Variants in CALN1 observed in about 807,000 individuals in gnomAD.
The protein encoded by CALN1 is calcium-binding protein 8.
CALN1 carries 17 observed loss-of-function variants against 30.6 expected under a neutral mutation model. The observed-to-expected ratio is 0.56, with a 90% CI of 0.38 to 0.83. The LOEUF (loss-of-function observed/expected upper bound fraction) is 0.83, where lower values mean the gene tolerates loss of function less well. Among genes scored for constraint, CALN1 ranks in the 40% least tolerant of loss-of-function variants. CALN1 has a pLI of 0.00. For missense variants in CALN1, 291 were observed against 354.9 expected, an observed-to-expected ratio of 0.82 and a Z score of 1.45; for synonymous variants, 156 against 131.4, an observed-to-expected ratio of 1.19 and a Z score of -1.28.
chr7:72,251,254 C>A (rs1245574015), intron 3 of CALN1, among the ~76,000 whole-genome samples: 1 of 152,164 alleles, frequency 6.6e-6, no homozygotes, highest in African/African-American at 2.4e-5. Context: ...ACACACTGAA[C>A]TTCCACATCA....
At chr7:72,030,008 A>G (rs1361659950) in intron 4 of CALN1, among the ~76,000 whole-genome samples, 3 of 152,182 alleles carry the variant, frequency 2.0e-5, no homozygotes, top group Admixed American at 6.5e-5. Flanking sequence ...CCTGATGCAA[A>G]TGGAAATTGT....
chr7:72,460,667 C>T, the CALN1 span, among the ~76,000 whole-genome samples: 20 of 151,936 alleles, frequency 1.3e-4, no homozygotes, highest in Admixed American at 2.6e-4. Flanking sequence ...AAAATGAAGT[C>T]CTTATTGCCA....
At chr7:71,957,949 C>T (rs949814261) in intron 5 of CALN1, among the ~76,000 whole-genome samples, 2 of 151,194 alleles carry the variant, frequency 1.3e-5, no homozygotes, top group Non-Finnish European at 2.9e-5. Flanking sequence ...CCTGTAATCC[C>T]AGCTACTTGG....
chr7:72,075,535 C>A (rs1804671708), intron 4 of CALN1, among the ~76,000 whole-genome samples: 1 of 152,232 alleles, frequency 6.6e-6, no homozygotes, highest in Non-Finnish European at 1.5e-5. Context: ...CTACAGCCTA[C>A]CCTGAAGGGT....
rs1007711674 is a variant in CALN1, at chr7:71,811,695, C to G, written c.502-1203G>C. Among the ~76,000 whole-genome samples the G allele has an allele frequency of 8.3e-4, 118 of 142,628 alleles. 3 individuals carry two copies. The highest frequency in any genetic ancestry group is 1.7e-4 in the Non-Finnish European group (11 of 66,158). 93.6% of individuals were successfully genotyped at this position (142,628 alleles called of 152,430 possible). A position where few individuals can be genotyped will look rare whatever the true frequency, so the allele number is the denominator to read the frequency against. On this transcript the variant is annotated intron_variant, in intron 5 of 6. Transcript: ENST00000395275. ...TTTTTTCTTTTTTTTTTTTTTTTTC[C>G]GAAATGGAGTCTTGCTTCCATCTCG...
chr7:72,411,080 G>A (rs903072382), intron 1 of CALN1, among the ~76,000 whole-genome samples: 1 of 152,052 alleles, frequency 6.6e-6, no homozygotes, highest in African/African-American at 2.4e-5. Context: ...GAATTTAACA[G>A]GACATGTGTA....
chr7:71,902,615 A>G (rs2116950460), intron 5 of CALN1, among the ~76,000 whole-genome samples: 1 of 152,346 alleles, frequency 6.6e-6, no homozygotes, highest in Non-Finnish European at 1.5e-5. Flanking sequence ...ACTACCATTC[A>G]ATCCAGCAAT....
In CALN1 at chr7:72,076,522, C is replaced by T. The variant is rs572805381; in HGVS notation, c.388+29629G>A. Among the ~76,000 whole-genome samples the T allele has an allele frequency of 1.8e-4, 25 of 140,444 alleles. No individual in the cohort carries two copies. In the East Asian group the frequency reaches 3.8e-3, roughly 21 times the overall value. The allele number at this position is 140,444 out of a possible 152,430, so 92.1% of individuals were successfully genotyped here. A position where few individuals can be genotyped will look rare whatever the true frequency, so the allele number is the denominator to read the frequency against. ...CTGAGGCAGGAGAATCGCTTGAACCCGAGAGGCGGAGGTTACAGTCAGCCG... is the reference window on the plus strand; with the variant it reads ...CTGAGGCAGGAGAATCGCTTGAACCTGAGAGGCGGAGGTTACAGTCAGCCG... On this transcript the variant is annotated intron_variant, in intron 4 of 6. Coordinates refer to ENST00000395275, the MANE Select transcript of CALN1 (RefSeq NM_031468.4).
chr7:71,931,943 G>C (rs1795576855), intron 5 of CALN1, among the ~76,000 whole-genome samples: 1 of 152,202 alleles, frequency 6.6e-6, no homozygotes, highest in Non-Finnish European at 1.5e-5. Context: ...CACATGAGCA[G>C]AGAATCAGGG....
chr7:72,222,458 G>A (rs561551164), intron 3 of CALN1, among the ~76,000 whole-genome samples: 10 of 152,260 alleles, frequency 6.6e-5, no homozygotes, highest in East Asian at 1.9e-4. Context: ...CAGATCTCAC[G>A]AGAACTCACT....
chr7:72,137,877 G>A (rs1055899211), intron 3 of CALN1, among the ~76,000 whole-genome samples: 1 of 152,112 alleles, frequency 6.6e-6, no homozygotes, highest in African/African-American at 2.4e-5. Flanking sequence ...TATAAATATA[G>A]CATATCTATT....
chr7:71,984,666 C>CT (rs1798570730), intron 5 of CALN1, among the ~76,000 whole-genome samples: 1 of 152,078 alleles, frequency 6.6e-6, no homozygotes, highest in Admixed American at 6.6e-5. Context: ...GGCTGGTACC[C>CT]TTCTGGAGAG....
At chr7:72,013,246 G>GTTTTTT in intron 5 of CALN1, among the ~76,000 whole-genome samples, 1 of 122,180 alleles carries the variant, frequency 8.2e-6, no homozygotes, top group African/African-American at 3.8e-5. Flanking sequence ...GCTAATTTGA[G>GTTTTTT]ATTTTTTTTT....
intron 5 of CALN1, among the ~76,000 whole-genome samples, chr7:72,016,638 A>G (rs1052320732): frequency 6.6e-6 from 1 of 151,736 alleles, no homozygotes; most frequent in Non-Finnish European, 1.5e-5. Flanking sequence ...GGTGTCACTC[A>G]TTGCCTGGGC....
At chr7:71,969,865 C>T (rs1486520415) in intron 5 of CALN1, among the ~76,000 whole-genome samples, 1 of 150,964 alleles carries the variant, frequency 6.6e-6, no homozygotes, top group Non-Finnish European at 1.5e-5. Flanking sequence ...CACTCTGTCA[C>T]CCAGGCTGGA....
intron 5 of CALN1, among the ~76,000 whole-genome samples, chr7:71,826,975 G>T (rs538071479): frequency 2.0e-5 from 3 of 152,142 alleles, no homozygotes; most frequent in Non-Finnish European, 4.4e-5. Context: ...CATCAACAAG[G>T]GCTCAGATGA....
chr7:72,201,816 A>AC (rs1480342935), intron 3 of CALN1, among the ~76,000 whole-genome samples: 1 of 152,008 alleles, frequency 6.6e-6, no homozygotes, highest in African/African-American at 2.4e-5. Flanking sequence ...GGAACATCAT[A>AC]CATCAAACTC....
chr7:72,001,406 G>C (rs1799521968), intron 5 of CALN1, among the ~76,000 whole-genome samples: 1 of 152,208 alleles, frequency 6.6e-6, no homozygotes, highest in Admixed American at 6.5e-5. Context: ...TCCAACTCAA[G>C]AGAGCATGAG....
At chr7:71,867,622 A>G (rs1386484539) in intron 5 of CALN1, among the ~76,000 whole-genome samples, 2 of 152,030 alleles carry the variant, frequency 1.3e-5, no homozygotes, top group Non-Finnish European at 2.9e-5. Flanking sequence ...TTTAGTAGAG[A>G]CGAGGTTTCA....
Sources: allele counts gnomAD v4.1 joint callset (sites outside exome capture counted in the v4.1 genomes callset), GRCh38; gene constraint gnomAD v4.1.1; transcripts MANE v1.5; gene names NCBI Gene and HGNC (gene_info 2026-07-23, HGNC 2026-07-21).